Variants in COLGALT2 observed in about 807,000 individuals in gnomAD.
COLGALT2 encodes procollagen galactosyltransferase 2.
In COLGALT2, 49 loss-of-function variants were observed where a neutral mutation model predicts 73.4. The ratio of observed to expected loss-of-function variants is 0.67; its 90% CI spans 0.53 to 0.85. The LOEUF is 0.85. COLGALT2 is among the 40% of genes least tolerant of loss of function. The pLI is 0.00. For synonymous variants in COLGALT2, 295 were observed against 307.6 expected, an observed-to-expected ratio of 0.96 and a Z score of 0.43; for missense variants, 722 against 790.2, an observed-to-expected ratio of 0.91 and a Z score of 1.03.
downstream of COLGALT2, among the ~76,000 whole-genome samples, chr1:183,934,488 A>G (rs965548310): frequency 2.0e-5 from 3 of 152,150 alleles, no homozygotes; most frequent in African/African-American, 7.2e-5. Context: ...ACAAAACATC[A>G]TGTGGGCGTG....
Position 183,936,194 on chromosome 1 carries a change from C to T in COLGALT2, c.*2567G>A. On this transcript the variant is annotated 3_prime_UTR_variant, in exon 12 of 12. Transcript: ENST00000361927. ...GCAAAGGCCTCTATACTGACGCCCT[C>T]ACATGACACTGCAAAGGTCAAATGT... 1.0e-6 allele frequency: 1 copy of T among 985,522 alleles called. No homozygotes were observed. Among genetic ancestry groups the T allele is most frequent in the Non-Finnish European group, 1.2e-6 (1 of 830,000 alleles). 61.0% of individuals were successfully genotyped at this position (985,522 alleles called of 1,614,324 possible). A position where few individuals can be genotyped will look rare whatever the true frequency, so the allele number is the denominator to read the frequency against.
intron 1 of COLGALT2, among the ~76,000 whole-genome samples, chr1:184,019,314 G>C (rs1338631970): frequency 6.6e-6 from 1 of 152,146 alleles, no homozygotes; most frequent in Non-Finnish European, 1.5e-5. Context: ...TCACTGGTTT[G>C]AAATAATTAC....
At chr1:183,945,806 C>T in intron 8 of COLGALT2, 1 of 516,284 alleles carries the variant, frequency 1.9e-6, no homozygotes, top group South Asian at 2.9e-5. Context: ...TAGTTCTAAG[C>T]ATCATCAGTT....
At chr1:183,955,526 C>T (rs780515541) in intron 6 of COLGALT2, among the ~76,000 whole-genome samples, 4 of 151,930 alleles carry the variant, frequency 2.6e-5, no homozygotes, top group Non-Finnish European at 4.4e-5. Flanking sequence ...GGGAAGATTC[C>T]AGCTGGGAGT....
At chr1:183,934,982 T>C (rs565423319), downstream of COLGALT2, among the ~76,000 whole-genome samples, 8 of 152,322 alleles carry the variant, frequency 5.3e-5, no homozygotes, top group Middle Eastern at 3.4e-3. Flanking sequence ...GCCAGCATGA[T>C]TGTGTCTCAG....
chr1:183,941,817 T>G (rs946090566), intron 10 of COLGALT2, among the ~76,000 whole-genome samples: 2 of 152,204 alleles, frequency 1.3e-5, no homozygotes, highest in Admixed American at 1.3e-4. Flanking sequence ...ATCGAGCACT[T>G]GAGAGGAACT....
At position 183,938,442 on chromosome 1, in the gene COLGALT2, C is replaced by T; in HGVS notation, c.*319G>A. The T allele has an allele frequency of 1.7e-6, 2 of 1,148,282 alleles. No homozygotes were observed. Among genetic ancestry groups the T allele is most frequent in the Non-Finnish European group, 2.1e-6 (2 of 930,726 alleles). 71.1% of individuals were successfully genotyped at this position (1,148,282 alleles called of 1,614,324 possible). ...CTTTCTCTTGAACAAGACTCTGAGC[C>T]ATGTTGTTCAACCTTAATGTGGGAA... On this transcript the variant is annotated 3_prime_UTR_variant, in exon 12 of 12. Transcript: ENST00000361927.
downstream of COLGALT2, among the ~76,000 whole-genome samples, chr1:183,933,814 G>C (rs952987352): frequency 6.6e-6 from 1 of 152,186 alleles, no homozygotes. Flanking sequence ...TAAAGCACCT[G>C]TTCCAGAGAA....
chr1:183,954,314 A>G (rs1670494377), intron 7 of COLGALT2, among the ~76,000 whole-genome samples: 2 of 152,126 alleles, frequency 1.3e-5, no homozygotes, highest in Non-Finnish European at 2.9e-5. Flanking sequence ...CTGCTCTCTA[A>G]CCTTTTTCCA....
At chr1:183,958,297 C>T (rs967979552) in intron 6 of COLGALT2, among the ~76,000 whole-genome samples, 2 of 152,256 alleles carry the variant, frequency 1.3e-5, no homozygotes, top group Admixed American at 6.5e-5. Flanking sequence ...TTTCAATTCT[C>T]GTCCACTGAT....
chr1:183,948,192 CA>C (rs961617977), intron 8 of COLGALT2, among the ~76,000 whole-genome samples: 2 of 149,324 alleles, frequency 1.3e-5, no homozygotes, highest in African/African-American at 2.5e-5. Context: ...CACAAACTTC[CA>C]AAAAAAAAGA....
chr1:183,987,679 G>A (rs1671524838), intron 1 of COLGALT2, among the ~76,000 whole-genome samples: 1 of 152,118 alleles, frequency 6.6e-6, no homozygotes, highest in Non-Finnish European at 1.5e-5. Flanking sequence ...ACAATTTCAG[G>A]GAACTTCTCC....
chr1:183,970,192 C>A (rs903517952), intron 4 of COLGALT2, among the ~76,000 whole-genome samples: 2 of 152,214 alleles, frequency 1.3e-5, no homozygotes, highest in African/African-American at 2.4e-5. Flanking sequence ...GCTTCTGAAA[C>A]GTCCTTCTGC....
intron 4 of COLGALT2, among the ~76,000 whole-genome samples, chr1:183,970,300 C>T (rs1198957324): frequency 6.6e-6 from 1 of 152,184 alleles, no homozygotes; most frequent in Non-Finnish European, 1.5e-5. Context: ...ACAAAACATA[C>T]TTGTGGAAGC....
chr1:183,979,263 A>G (rs1671286399), intron 1 of COLGALT2, among the ~76,000 whole-genome samples: 1 of 152,156 alleles, frequency 6.6e-6, no homozygotes, highest in African/African-American at 2.4e-5. Flanking sequence ...AACCCAACAC[A>G]TGTAAAACAG....
Position 183,938,163 on chromosome 1 carries a change from A to G in COLGALT2, c.*598T>C. On this transcript the variant is annotated 3_prime_UTR_variant, in exon 12 of 12. Transcript: ENST00000361927. ...CACAGGCCAAGTCTCAGTCGGACCC[A>G]AATACCCACCCCTACTGGATAACAG... The G allele has an allele frequency of 1.0e-6, 1 of 986,304 alleles. No individual in the cohort carries two copies. Among genetic ancestry groups the G allele is most frequent in the Non-Finnish European group, 1.2e-6 (1 of 830,688 alleles). 61.1% of individuals were successfully genotyped at this position (986,304 alleles called of 1,614,324 possible).
intron 6 of COLGALT2, among the ~76,000 whole-genome samples, chr1:183,962,989 A>AC (rs1453922345): frequency 4.0e-5 from 6 of 150,778 alleles, no homozygotes; most frequent in Non-Finnish European, 8.8e-5. Flanking sequence ...CCACGTTCAC[A>AC]CCCCCGTGCT....
intron 1 of COLGALT2, among the ~76,000 whole-genome samples, chr1:183,997,600 G>A (rs1361848454): frequency 6.6e-6 from 1 of 152,168 alleles, no homozygotes; most frequent in Non-Finnish European, 1.5e-5. Flanking sequence ...ACCTCATAAT[G>A]TTTCAAGAAA....
At chr1:184,000,132 T>C (rs1210652594) in intron 1 of COLGALT2, among the ~76,000 whole-genome samples, 1 of 152,212 alleles carries the variant, frequency 6.6e-6, no homozygotes, top group Non-Finnish European at 1.5e-5. Flanking sequence ...TTGAGTTATT[T>C]TGCTTTTGGT....
Sources: gnomAD v4.1 joint callset for allele counts (sites outside exome capture counted in the v4.1 genomes callset) on GRCh38, gnomAD v4.1.1 for gene constraint, MANE v1.5 for transcripts, NCBI Gene and HGNC (gene_info 2026-07-23, HGNC 2026-07-21) for gene names.